THRAP3: variants seen among roughly 807,000 people sequenced by gnomAD.
THRAP3 encodes thyroid hormone receptor-associated protein 3.
THRAP3 carries 16 observed loss-of-function variants against 101.0 expected under a neutral mutation model. The ratio of observed to expected loss-of-function variants is 0.16; its 90% confidence interval spans 0.11 to 0.24. The LOEUF is 0.24. Ranked by LOEUF, THRAP3 falls within the 10% of genes least tolerant of loss-of-function variation. THRAP3 has a pLI of 1.00. For missense variants in THRAP3, 989 were observed against 1,202.7 expected, an observed-to-expected ratio of 0.82 and a Z score of 2.63; for synonymous variants, 407 against 422.6, an observed-to-expected ratio of 0.96 and a Z score of 0.45.
chr1:36,288,654 T>C (rs187307752), intron 4 of THRAP3: 1 of 985,488 alleles, frequency 1.0e-6, no homozygotes, highest in Non-Finnish European at 1.2e-6. Flanking sequence ...CAGTCCAAGG[T>C]TGAACATTCT....
intron 2 of THRAP3, 36 bp downstream of exon 2, chr1:36,259,520 A>G (rs780988587): frequency 1.8e-5 from 7 of 398,366 alleles, no homozygotes; most frequent in African/African-American, 4.1e-5. Context: ...TAATAACTTC[A>G]CTAATTTGTA....
chr1:36,285,067 TTTAGA>T (rs1206456856), intron 3 of THRAP3, among the ~76,000 whole-genome samples: 1 of 152,210 alleles, frequency 6.6e-6, no homozygotes, highest in Admixed American at 6.5e-5. Context: ...CCACTTTATC[TTTAGA>T]TTAAATTGAA....
At chr1:36,301,409 A>G in intron 10 of THRAP3, 144 bp from the exon 11 acceptor site, 1 of 1,103,666 alleles carries the variant, frequency 9.1e-7, no homozygotes, top group African/African-American at 1.6e-5. Context: ...CAGAAAGGGA[A>G]TGGCTGGAAA....
At chr1:36,238,715 G>GT (rs567436533) in intron 1 of THRAP3, among the ~76,000 whole-genome samples, 147 of 151,972 alleles carry the variant, frequency 9.7e-4, no homozygotes, top group Non-Finnish European at 1.6e-3. Context: ...GTTTTGTTTC[G>GT]TTTTTTTGGA....
chr1:36,259,866 G>C (rs1645422347), intron 2 of THRAP3, among the ~76,000 whole-genome samples: 1 of 152,156 alleles, frequency 6.6e-6, no homozygotes, highest in Non-Finnish European at 1.5e-5. Flanking sequence ...AAGGCTGTCG[G>C]TAAACTTGAC....
At chr1:36,277,934 AT>A (rs534396959) in intron 2 of THRAP3, among the ~76,000 whole-genome samples, 4 of 149,268 alleles carry the variant, frequency 2.7e-5, no homozygotes, top group African/African-American at 9.9e-5. Context: ...TAATTTTAGT[AT>A]TTTTTTTAGT....
chr1:36,265,432 T>C (rs996106077), intron 2 of THRAP3, among the ~76,000 whole-genome samples: 6 of 151,216 alleles, frequency 4.0e-5, no homozygotes, highest in Non-Finnish European at 7.4e-5. Context: ...AATTTTCTAC[T>C]TACAGTTAGG....
intron 3 of THRAP3, among the ~76,000 whole-genome samples, 167 bp downstream of exon 3, chr1:36,282,867 C>T: frequency 6.6e-6 from 1 of 152,154 alleles, no homozygotes; most frequent in East Asian, 1.9e-4. Context: ...AACTACAAAT[C>T]CAGATCAGCT....
chr1:36,217,718 C>T, the THRAP3 span, among the ~76,000 whole-genome samples: 2 of 152,078 alleles, frequency 1.3e-5, no homozygotes, highest in African/African-American at 2.4e-5. Flanking sequence ...TATCAATTAA[C>T]ATCAGTTATG....
At chr1:36,266,208 A>G (rs1035948621) in intron 2 of THRAP3, among the ~76,000 whole-genome samples, 1 of 151,002 alleles carries the variant, frequency 6.6e-6, no homozygotes, top group Non-Finnish European at 1.5e-5. Flanking sequence ...AGTCCCAGCT[A>G]CTCAGGAGGC....
Position 36,298,081 on chromosome 1 carries a change from A to G in THRAP3, c.2303+1311A>G, listed in dbSNP as rs537160893. Among the ~76,000 whole-genome samples the G allele has an allele frequency of 9.7e-5, 13 of 134,014 alleles. 1 individual carries two copies. The East Asian group carries it at 2.7e-3, about 28-fold the overall frequency. 87.9% of individuals were successfully genotyped at this position (134,014 alleles called of 152,430 possible). A position where few individuals can be genotyped will look rare whatever the true frequency, so the allele number is the denominator to read the frequency against. ...AGAATCGCTTGAACCTGGGAGGAGG[A>G]GGTTGCACTGAGCCGAGTTCTCAGC... On this transcript the variant is annotated intron_variant, in intron 9 of 11. Transcript: ENST00000354618.
chr1:36,289,939 T>C (rs1425734074), intron 5 of THRAP3, among the ~76,000 whole-genome samples, 175 bp downstream of exon 5: 2 of 152,166 alleles, frequency 1.3e-5, no homozygotes, highest in African/African-American at 4.8e-5. Flanking sequence ...GATTGTGTGC[T>C]TTTGAAGGGG....
In THRAP3 at chr1:36,304,047, G is replaced by C; in HGVS notation, c.*30G>C. 1.4e-6 allele frequency: 2 copies of C among 1,475,262 alleles called. No homozygotes were observed. The highest frequency in any genetic ancestry group is 1.8e-6 in the Non-Finnish European group (2 of 1,112,190). 91.4% of individuals were successfully genotyped at this position (1,475,262 alleles called of 1,614,324 possible). ...CACCCTTGACGGGATTCCTGCCCAG[G>C]GGAGAGAGGCGCTGGGAAGATGGCT... On this transcript the variant is annotated 3_prime_UTR_variant, in exon 12 of 12. Transcript: ENST00000354618.
chr1:36,238,686 G>A (rs969728946), intron 1 of THRAP3, among the ~76,000 whole-genome samples: 2 of 152,126 alleles, frequency 1.3e-5, no homozygotes, highest in African/African-American at 4.8e-5. Flanking sequence ...AGTGTAATGA[G>A]TGAGCTTTTC....
At chr1:36,275,622 T>C (rs1338035936) in intron 2 of THRAP3, among the ~76,000 whole-genome samples, 3 of 150,752 alleles carry the variant, frequency 2.0e-5, no homozygotes, top group African/African-American at 4.9e-5. Flanking sequence ...TTTTTTTTTT[T>C]CTTTTGAGAT....
At chr1:36,229,976 A>G (rs1223296203) in intron 1 of THRAP3, among the ~76,000 whole-genome samples, 3 of 87,826 alleles carry the variant, frequency 3.4e-5, no homozygotes, top group African/African-American at 9.3e-5. Context: ...TTTTTTTGAG[A>G]CAGAGTCTGT....
At position 36,254,879 on chromosome 1, in the gene THRAP3, G is replaced by T. The variant is rs552537304; in HGVS notation, c.-134-4503G>T. Among the ~76,000 whole-genome samples the T allele has an allele frequency of 2.0e-5, 3 of 152,108 alleles. No homozygotes were observed. The South Asian group carries it at 6.2e-4, about 31-fold the overall frequency. On this transcript the variant is annotated intron_variant, in intron 1 of 11. Coordinates refer to ENST00000354618, the MANE Select transcript of THRAP3 (RefSeq NM_005119.4). The stretch of plus-strand genomic sequence containing the variant: ...TAGATTTGGTCTGTGTGCCTTAGTT[G>T]CCATCCCATATTACAGAAGGCTCTG...
chr1:36,253,336 A>G (rs2124463565), intron 1 of THRAP3, among the ~76,000 whole-genome samples: 1 of 152,302 alleles, frequency 6.6e-6, no homozygotes, highest in East Asian at 1.9e-4. Flanking sequence ...CCTTAGCTGC[A>G]CAGTTAGACA....
chr1:36,235,912 G>T (rs923817937), intron 1 of THRAP3, among the ~76,000 whole-genome samples: 5 of 151,978 alleles, frequency 3.3e-5, no homozygotes, highest in Admixed American at 2.0e-4. Context: ...AATACAGTGA[G>T]TTTCAAAAAA....
Sources: gnomAD v4.1 joint callset for allele counts (sites outside exome capture counted in the v4.1 genomes callset) on GRCh38, gnomAD v4.1.1 for gene constraint, MANE v1.5 for transcripts, NCBI Gene and HGNC (gene_info 2026-07-23, HGNC 2026-07-21) for gene names.